Variants in ARID4B observed in about 807,000 individuals in gnomAD.
ARID4B encodes AT-rich interaction domain 4B, also known as AT-rich interactive domain-containing protein 4B.
ARID4B carries 26 observed loss-of-function variants against 147.5 expected under a neutral mutation model. The observed-to-expected ratio is 0.18, with a 90% CI of 0.13 to 0.24. The LOEUF (loss-of-function observed/expected upper bound fraction) is 0.24, where lower values mean the gene tolerates loss of function less well. Ranked by LOEUF, ARID4B falls within the 10% of genes least tolerant of loss-of-function variation. The pLI is 1.00. For missense variants in ARID4B, 1,179 were observed against 1,511.5 expected, an observed-to-expected ratio of 0.78 and a Z score of 3.65; for synonymous variants, 512 against 507.9, an observed-to-expected ratio of 1.01 and a Z score of -0.11.
At chr1:235,248,820 A>T (rs1170968104) in intron 6 of ARID4B, among the ~76,000 whole-genome samples, 1 of 152,128 alleles carries the variant, frequency 6.6e-6, no homozygotes, top group African/African-American at 2.4e-5. Flanking sequence ...GACTAAAAAG[A>T]CCTGGGGGTA....
rs749007932 is a variant in ARID4B, at chr1:235,220,315, A to G, written c.1394T>C (p.Ile465Thr). 6.2e-7 allele frequency: 1 copy of G among 1,601,302 alleles called. No homozygotes were observed. Among genetic ancestry groups the G allele is most frequent in the Admixed American group, 1.7e-5 (1 of 57,604 alleles). The change falls in exon 15 of 24, where the codon ATT (isoleucine) becomes ACT (threonine). Residue 465 changes from isoleucine to threonine, a missense_variant. Transcript: ENST00000264183. ...TATCTGATTTACCAGAGAGGGCTTA[A>G]TATTTTCTTTTCTTTCAATTTCATC... Reference protein sequence around the residue: ...IEDEIERKENIKPSLGSKKNL... With the variant: ...IEDEIERKENTKPSLGSKKNL...
rs189001016 is a variant in ARID4B, at chr1:235,299,207, C to T, written c.6+27707G>A. Among the ~76,000 whole-genome samples the T allele has an allele frequency of 2.2e-3, 341 of 152,204 alleles. 12 individuals carry two copies. In the South Asian group the frequency reaches 0.065, roughly 29 times the overall value. ...TTTTGGTGTTTTCCTAAGGGATAAA[C>T]TGTGGTTTGGTTTTGTTTTTTATTG... On this transcript the variant is annotated intron_variant, in intron 2 of 23. Coordinates refer to ENST00000264183, the MANE Select transcript of ARID4B (RefSeq NM_016374.6).
At chr1:235,230,447 A>C (rs1167014782) in intron 10 of ARID4B, among the ~76,000 whole-genome samples, 3 of 151,244 alleles carry the variant, frequency 2.0e-5, no homozygotes, top group South Asian at 2.1e-4. Flanking sequence ...AAAACAAAAA[A>C]AACAACAACA....
intron 6 of ARID4B, among the ~76,000 whole-genome samples, chr1:235,252,374 G>C (rs562651757): frequency 6.6e-6 from 1 of 150,958 alleles, no homozygotes; most frequent in Non-Finnish European, 1.5e-5. Flanking sequence ...AAAGACTGTT[G>C]TATCTACACA....
intron 2 of ARID4B, among the ~76,000 whole-genome samples, chr1:235,283,410 T>C (rs903807457): frequency 3.3e-5 from 5 of 152,196 alleles, no homozygotes; most frequent in African/African-American, 9.7e-5. Flanking sequence ...TTACAAACTA[T>C]GTTTTAAGAA....
intron 21 of ARID4B, chr1:235,176,793 G>A (rs1023257966): frequency 1.3e-5 from 6 of 467,564 alleles, no homozygotes; most frequent in South Asian, 3.1e-5. Flanking sequence ...GGAGCTGGCC[G>A]AATAACCCTT....
At chr1:235,203,406 A>G (rs577138412) in intron 17 of ARID4B, among the ~76,000 whole-genome samples, 3 of 152,346 alleles carry the variant, frequency 2.0e-5, no homozygotes, top group African/African-American at 7.2e-5. Context: ...ATATACCTAA[A>G]AAGCACAGTC....
At position 235,220,293 on chromosome 1, in the gene ARID4B, C is replaced by T; in HGVS notation, c.1407+9G>A. 1 of 1,582,952 alleles carries T rather than the reference C, an allele frequency of 6.3e-7. No individual in the cohort carries two copies. Among genetic ancestry groups the T allele is most frequent in the East Asian group, 2.2e-5 (1 of 44,456 alleles). On this transcript the variant is annotated intron_variant, in intron 15 of 23. Coordinates refer to ENST00000264183, the MANE Select transcript of ARID4B (RefSeq NM_016374.6). Reference sequence around the variant, plus strand: ...GAAAGCAAAAGACAATTAACAATATCTGATTTACCAGAGAGGGCTTAATAT... The same window carrying T: ...GAAAGCAAAAGACAATTAACAATATTTGATTTACCAGAGAGGGCTTAATAT...
At position 235,230,816 on chromosome 1, in the gene ARID4B, G is replaced by A. The variant is rs558479147; in HGVS notation, c.742+297C>T. 3.1e-4 allele frequency among the ~76,000 whole-genome samples: 47 copies of A among 151,680 alleles called. 1 individual carries two copies. The South Asian group carries it at 3.8e-3, about 12-fold the overall frequency. ...CGTGTGCCTGTAGTCCCAGTTACTCGGGAGGCTGAGGCAAGAGAATTGCTT... is the reference window on the plus strand; with the variant it reads ...CGTGTGCCTGTAGTCCCAGTTACTCAGGAGGCTGAGGCAAGAGAATTGCTT... On this transcript the variant is annotated intron_variant, in intron 10 of 23. Coordinates refer to ENST00000264183, the MANE Select transcript of ARID4B (RefSeq NM_016374.6).
intron 2 of ARID4B, among the ~76,000 whole-genome samples, chr1:235,288,955 GC>G (rs1672154740): frequency 6.6e-6 from 1 of 152,160 alleles, no homozygotes; most frequent in Non-Finnish European, 1.5e-5. Flanking sequence ...ATTAATTTCT[GC>G]ACCAGTTATT....
At position 235,219,390 on chromosome 1, in the gene ARID4B, G is replaced by A. The variant is rs1464538143; in HGVS notation, c.1583+403C>T. ...CATAAAATAGAACATACAATTTTTG[G>A]CCTTTTAAAACTTTAGTATTTTTCC... On this transcript the variant is annotated intron_variant, in intron 16 of 23. Transcript: ENST00000264183. Among the ~76,000 whole-genome samples, 5 of 151,928 alleles carry A rather than the reference G, an allele frequency of 3.3e-5. No individual in the cohort carries two copies. The East Asian group carries it at 9.6e-4, about 29-fold the overall frequency.
At chr1:235,251,370 A>G (rs941277981) in intron 6 of ARID4B, among the ~76,000 whole-genome samples, 1 of 152,136 alleles carries the variant, frequency 6.6e-6, no homozygotes, top group Non-Finnish European at 1.5e-5. Context: ...GGAGTCAATA[A>G]AGGAAAGTAT....
At chr1:235,314,207 C>G (rs1444501414) in intron 2 of ARID4B, among the ~76,000 whole-genome samples, 1 of 151,976 alleles carries the variant, frequency 6.6e-6, no homozygotes, top group Non-Finnish European at 1.5e-5. Context: ...CCCAAACAGT[C>G]TTGATTAAAA....
rs764887423 is a variant in ARID4B at position 235,172,739 on chromosome 1, G to A, written c.3690C>T (p.Ala1230=). ...TTTCTTGAAGAATTGTGATGCGTTC[G>A]GCACTTGTCATATTTTCCAGGTCCG... is the stretch of plus-strand genomic sequence containing the variant. ...QMSDLENMTS[A]ERITILQEKL... Residue 1230 remains alanine, a synonymous_variant, in exon 23 of 24, where the codon GCC becomes GCT. Coordinates refer to ENST00000264183, the MANE Select transcript of ARID4B (RefSeq NM_016374.6). 19 of 1,571,998 alleles carry A rather than the reference G, an allele frequency of 1.2e-5. No individual in the cohort carries two copies. The highest frequency in any genetic ancestry group is 1.5e-5 in the Non-Finnish European group (17 of 1,165,914).
intron 19 of ARID4B, among the ~76,000 whole-genome samples, chr1:235,192,717 A>G (rs2102954877): frequency 6.6e-6 from 1 of 152,352 alleles, no homozygotes; most frequent in South Asian, 2.1e-4. Context: ...CTTCCCTGCC[A>G]GTCAGATTTA....
intron 20 of ARID4B, chr1:235,181,312 T>C: frequency 1.7e-6 from 1 of 588,772 alleles, no homozygotes; most frequent in East Asian, 4.1e-5. Flanking sequence ...TCAAACAGGT[T>C]TGGATTTGGG....
intron 2 of ARID4B, among the ~76,000 whole-genome samples, chr1:235,317,146 A>C (rs1674495978): frequency 6.6e-6 from 1 of 152,234 alleles, no homozygotes; most frequent in Non-Finnish European, 1.5e-5. Context: ...GCAATGATTT[A>C]AGCAAAAATA....
intron 9 of ARID4B, among the ~76,000 whole-genome samples, chr1:235,232,825 A>T (rs1239673644): frequency 6.7e-6 from 1 of 150,198 alleles, no homozygotes; most frequent in South Asian, 2.1e-4. Flanking sequence ...TTGGTTCTAC[A>T]TTTTTTTTTG....
intron 2 of ARID4B, among the ~76,000 whole-genome samples, chr1:235,313,447 C>G (rs1417871498): frequency 6.6e-6 from 1 of 151,992 alleles, no homozygotes; most frequent in Non-Finnish European, 1.5e-5. Flanking sequence ...TAACTCCTCT[C>G]TGGAGTAGAG....
Sources: allele counts gnomAD v4.1 joint callset (sites outside exome capture counted in the v4.1 genomes callset), GRCh38; gene constraint gnomAD v4.1.1; transcripts MANE v1.5; gene names NCBI Gene and HGNC (gene_info 2026-07-23, HGNC 2026-07-21).